The following JAKMIP2 variants were observed in gnomAD, a reference collection of about 807,000 sequenced individuals.
JAKMIP2 encodes janus kinase and microtubule interacting protein 2, also known as janus kinase and microtubule-interacting protein 2.
Under a neutral mutation model 115.0 loss-of-function variants are expected in JAKMIP2, and 25 were observed. That is an observed-to-expected ratio of 0.22 (90% CI 0.16 to 0.30). The LOEUF is 0.30. Among genes scored for constraint, JAKMIP2 ranks in the 10% least tolerant of loss-of-function variants. JAKMIP2 has a pLI of 1.00. For missense variants in JAKMIP2, 642 were observed against 957.6 expected, an observed-to-expected ratio of 0.67 and a Z score of 4.35; for synonymous variants, 334 against 343.6, an observed-to-expected ratio of 0.97 and a Z score of 0.31.
In JAKMIP2 at chr5:147,656,812, A is replaced by G. The variant is rs542484956; in HGVS notation, c.627+4136T>C. Among the ~76,000 whole-genome samples, 282 of 152,186 alleles carry G rather than the reference A, an allele frequency of 1.9e-3. 4 individuals are homozygous for G. Among genetic ancestry groups the G allele is most frequent in the Non-Finnish European group, 2.8e-3 (192 of 68,032 alleles). ...TCTTTATATTTTGGTGTGTTTTTGCAGTGGCAAGTACTGGTTTTTTCTTTC... is the reference window on the plus strand; with the variant it reads ...TCTTTATATTTTGGTGTGTTTTTGCGGTGGCAAGTACTGGTTTTTTCTTTC... On this transcript the variant is annotated intron_variant, in intron 3 of 21. Transcript: ENST00000616793.
chr5:147,773,882 A>G (rs1755457847), intron 1 of JAKMIP2, among the ~76,000 whole-genome samples: 1 of 152,164 alleles, frequency 6.6e-6, no homozygotes, highest in Non-Finnish European at 1.5e-5. Context: ...AGAGAGCAAG[A>G]CAGGTAAAGC....
intron 1 of JAKMIP2, among the ~76,000 whole-genome samples, chr5:147,710,403 A>T (rs1549912): frequency 0.12 from 17,720 of 152,254 alleles, 1,275 homozygotes; most frequent in Middle Eastern, 0.18. Context: ...ATCAGGAGGT[A>T]TAAATTTTAT....
intron 1 of JAKMIP2, among the ~76,000 whole-genome samples, chr5:147,751,340 C>T (rs894377411): frequency 1.3e-5 from 2 of 150,950 alleles, no homozygotes; most frequent in South Asian, 2.1e-4. Flanking sequence ...CCTCGTGATC[C>T]GCCCTCCTCC....
rs76617867 is a variant in JAKMIP2 at position 147,631,343 on chromosome 5, G to C, written c.1875+70C>G. 5.2e-3 allele frequency: 4,727 copies of C among 901,144 alleles called. 163 individuals are homozygous for C. The African/African-American group carries it at 0.069, about 13-fold the overall frequency. 55.8% of individuals were successfully genotyped at this position (901,144 alleles called of 1,614,324 possible). On this transcript the variant is annotated intron_variant, in intron 14 of 21. Coordinates refer to ENST00000616793, the MANE Select transcript of JAKMIP2 (RefSeq NM_001270941.2). ...TGACTGAAAGACAAAATAGTCGTAA[G>C]TAACCTCCCCTTTTCCAATTCCCAG...
chr5:147,596,392 G>A (rs1474185956), intron 21 of JAKMIP2, among the ~76,000 whole-genome samples: 2 of 152,152 alleles, frequency 1.3e-5, no homozygotes, highest in African/African-American at 4.8e-5. Context: ...TACTTCAGCT[G>A]TGGAGGAGGG....
intron 1 of JAKMIP2, among the ~76,000 whole-genome samples, chr5:147,748,369 G>GA (rs201940120): frequency 0.017 from 2,642 of 152,236 alleles, 96 homozygotes; most frequent in African/African-American, 0.061. Flanking sequence ...ATGCTACAAG[G>GA]TAGATGTCAT....
chr5:147,596,247 G>A (rs1023164369), intron 21 of JAKMIP2, among the ~76,000 whole-genome samples: 3 of 151,508 alleles, frequency 2.0e-5, no homozygotes, highest in African/African-American at 4.9e-5. Flanking sequence ...GAAGGAACTT[G>A]ATCCTAACAC....
intron 17 of JAKMIP2, among the ~76,000 whole-genome samples, chr5:147,622,437 A>G (rs1293615107): frequency 6.6e-6 from 1 of 152,200 alleles, no homozygotes; most frequent in Non-Finnish European, 1.5e-5. Flanking sequence ...CCTTCTGGCA[A>G]CCACAGTCTA....
intron 1 of JAKMIP2, among the ~76,000 whole-genome samples, chr5:147,768,066 TAC>T (rs200470573): frequency 5.3e-5 from 8 of 152,050 alleles, no homozygotes; most frequent in East Asian, 1.9e-4. Flanking sequence ...ACAAAACCCC[TAC>T]ACACACACAC....
chr5:147,607,850 G>A (rs577499533), intron 20 of JAKMIP2, among the ~76,000 whole-genome samples: 1 of 152,104 alleles, frequency 6.6e-6, no homozygotes, highest in Non-Finnish European at 1.5e-5. Flanking sequence ...CTCTATTTCA[G>A]AACTTCTTAT....
At chr5:147,734,144 A>T (rs1184006978) in intron 1 of JAKMIP2, among the ~76,000 whole-genome samples, 1 of 152,180 alleles carries the variant, frequency 6.6e-6, no homozygotes, top group Non-Finnish European at 1.5e-5. Context: ...GCCAATAAAC[A>T]TATGAAAAAA....
intron 20 of JAKMIP2, among the ~76,000 whole-genome samples, chr5:147,602,868 C>T (rs1162717792): frequency 1.3e-5 from 2 of 152,138 alleles, no homozygotes; most frequent in Non-Finnish European, 2.9e-5. Flanking sequence ...TTATAAGGTT[C>T]TTGCTTCACT....
intron 1 of JAKMIP2, among the ~76,000 whole-genome samples, chr5:147,714,334 A>G (rs529649632): frequency 6.6e-6 from 1 of 152,310 alleles, no homozygotes; most frequent in African/African-American, 2.4e-5. Context: ...AGAAAAATAT[A>G]ACAACAAAAA....
chr5:147,703,805 C>G (rs1752467093), intron 1 of JAKMIP2, among the ~76,000 whole-genome samples: 1 of 151,886 alleles, frequency 6.6e-6, no homozygotes, highest in African/African-American at 2.4e-5. Flanking sequence ...TTTTAAACTT[C>G]TGACTCTTTT....
At chr5:147,614,416 T>G (rs1046572255) in intron 19 of JAKMIP2, among the ~76,000 whole-genome samples, 1 of 152,228 alleles carries the variant, frequency 6.6e-6, no homozygotes, top group African/African-American at 2.4e-5. Context: ...TGATTTCTTT[T>G]TGCTTCCCAT....
At chr5:147,624,428 T>C (rs1421052626) in intron 16 of JAKMIP2, among the ~76,000 whole-genome samples, 1 of 152,116 alleles carries the variant, frequency 6.6e-6, no homozygotes, top group Non-Finnish European at 1.5e-5. Flanking sequence ...AGCTCTATTG[T>C]TGGAGGAAGC....
In JAKMIP2 at chr5:147,637,437, A is replaced by ATTTTTTTTTTTTTTTTTTTTTT. The variant is rs34831610; in HGVS notation, c.1531-390_1531-389insAAAAAAAAAAAAAAAAAAAAAA. The stretch of plus-strand genomic sequence containing the variant: ...CATTTTGCCTCCCCAAATTCTTTTG[A>ATTTTTTTTTTTTTTTTTTTTTT]TTTTTTTTTTTTTTTTTTTTGAGAC... On this transcript the variant is annotated intron_variant, in intron 10 of 21. Transcript: ENST00000616793. Among the ~76,000 whole-genome samples, 245 of 79,280 alleles carry ATTTTTTTTTTTTTTTTTTTTTT rather than the reference A, an allele frequency of 3.1e-3. 10 individuals are homozygous for ATTTTTTTTTTTTTTTTTTTTTT. Among genetic ancestry groups the ATTTTTTTTTTTTTTTTTTTTTT allele is most frequent in the South Asian group, 4.7e-3 (9 of 1,914 alleles). The allele number at this position is 79,280 out of a possible 152,430, so 52.0% of individuals were successfully genotyped here.
At chr5:147,612,997 C>T (rs1393065021) in intron 19 of JAKMIP2, among the ~76,000 whole-genome samples, 1 of 152,132 alleles carries the variant, frequency 6.6e-6, no homozygotes, top group Non-Finnish European at 1.5e-5. Context: ...TACACATCAA[C>T]AAACATTCCC....
intron 1 of JAKMIP2, among the ~76,000 whole-genome samples, chr5:147,702,431 AAGGAAGGT>A (rs1259109525): frequency 2.3e-5 from 3 of 133,206 alleles, no homozygotes; most frequent in African/African-American, 9.1e-5. Context: ...AAGAGGAAGG[AAGGAAGGT>A]AGGAAGGAAG....
Sources: gnomAD v4.1 joint callset for allele counts (sites outside exome capture counted in the v4.1 genomes callset) on GRCh38, gnomAD v4.1.1 for gene constraint, MANE v1.5 for transcripts, NCBI Gene and HGNC (gene_info 2026-07-23, HGNC 2026-07-21) for gene names.